NPAT: variants seen among roughly 807,000 people sequenced by gnomAD.
NPAT encodes the protein protein NPAT.
In NPAT, 52 loss-of-function variants were observed where a neutral mutation model predicts 130.7. The observed-to-expected ratio is 0.40, with a 90% CI of 0.32 to 0.50. The LOEUF (loss-of-function observed/expected upper bound fraction) is 0.50, where lower values mean the gene tolerates loss of function less well. Among genes scored for constraint, NPAT ranks in the 20% least tolerant of loss-of-function variants. The pLI, the probability that NPAT is intolerant of heterozygous loss-of-function variation, is 0.68. For missense variants in NPAT, 1,687 were observed against 1,662.6 expected (o/e 1.01, Z -0.26); for synonymous variants, 580 against 584.8 (o/e 0.99, Z 0.12).
In NPAT at chr11:108,161,659, C is replaced by T. The variant is rs2077851485; in HGVS notation, c.3427G>A (p.Glu1143Lys). The T allele has an allele frequency of 5.0e-6, 8 of 1,613,986 alleles. No individual in the cohort carries two copies. Among genetic ancestry groups the T allele is most frequent in the Non-Finnish European group, 5.1e-6 (6 of 1,180,020 alleles). ...GAAACTTTCTTTTCTGATTGAGTTT[C>T]TCTTATGGTGGTATGCCGGCTAATG... ...SAISRHTTIR[E>K]TQSEKKVSPT... The change falls in exon 17 of 18, where the codon GAA becomes AAA. Residue 1143 changes from glutamate to lysine, a missense_variant. Coordinates refer to ENST00000278612, the MANE Select transcript of NPAT (RefSeq NM_002519.3).
rs1390470946 is a variant in NPAT at position 108,162,153 on chromosome 11, G to A, written c.3038C>T (p.Ser1013Leu). 18 of 1,613,672 alleles carry A rather than the reference G, an allele frequency of 1.1e-5. No individual in the cohort carries two copies. Among genetic ancestry groups the A allele is most frequent in the East Asian group, 2.2e-5 (1 of 44,882 alleles). Residue 1013 changes from serine to leucine, a missense_variant, in exon 16 of 18, where the codon TCG (serine) becomes TTG (leucine). This residue lies in a region of NPAT where 1,379 missense variants were observed against 1,346.6 expected (regional missense o/e 1.02). Transcript: ENST00000278612. ...IGKQVNNLVDSSGHSVGCHAQ... is the reference protein window; with the variant it reads ...IGKQVNNLVDLSGHSVGCHAQ... ...ATGACATCCAACTGAATGACCTGAC[G>A]AATCCACCAAATTATTTACTTGTTT...
At position 108,161,157 on chromosome 11, in the gene NPAT, G is replaced by A; in HGVS notation, c.3929C>T (p.Thr1310Ile). 1 of 1,614,178 alleles carries A rather than the reference G, an allele frequency of 6.2e-7. No homozygotes were observed. Residue 1310 changes from threonine (T) to isoleucine (I), a missense_variant, in exon 17 of 18, where the codon ACC (threonine) becomes ATC (isoleucine). Physicochemically the swap from Thr to Ile is moderately conservative, Grantham distance 89. This residue lies in a region of NPAT where 1,379 missense variants were observed against 1,346.6 expected (regional missense o/e 1.02). Coordinates refer to ENST00000278612, the MANE Select transcript of NPAT (RefSeq NM_002519.3). Reference sequence around the variant, plus strand: ...AGGGCTGCAGGCAGGCAAGTCTGGGGTGACAGGAGGGACCATTACTTTTGA... The same window carrying A: ...AGGGCTGCAGGCAGGCAAGTCTGGGATGACAGGAGGGACCATTACTTTTGA... ...STSKVMVPPV[T>I]PDLPACSPAS...
chr11:108,215,657 C>T (rs1423779342), intron 1 of NPAT, among the ~76,000 whole-genome samples: 1 of 152,156 alleles, frequency 6.6e-6, no homozygotes, highest in Non-Finnish European at 1.5e-5. Context: ...AGTCATTATA[C>T]ACTAAGGTTT....
rs1045101210 is a variant in NPAT, at chr11:108,162,246, G to C, written c.3011-66C>G. The C allele has an allele frequency of 1.3e-5, 18 of 1,416,858 alleles. No individual in the cohort carries two copies. In the African/African-American group the frequency reaches 2.1e-4, roughly 17 times the overall value. 87.8% of individuals were successfully genotyped at this position (1,416,858 alleles called of 1,614,324 possible). On this transcript the variant is annotated intron_variant, in intron 15 of 17. Transcript: ENST00000278612. ...TCCTCTGAAAGAGGATAGAACAGATGACAATTATCACATATCATGAGAAAA... is the reference window on the plus strand; with the variant it reads ...TCCTCTGAAAGAGGATAGAACAGATCACAATTATCACATATCATGAGAAAA...
Position 108,169,787 on chromosome 11 carries a change from T to C in NPAT, c.2967A>G (p.Pro989=). The part of the protein sequence containing the change: ...NRSIPQFPVP[P]KSQKAQGLRN... ...TTAGTCCCTGAGCCTTCTGAGATTT[T>C]GGAGGGACGGGGAATTGAGGGATAC... Residue 989 remains proline (P), a synonymous_variant, in exon 15 of 18, where the codon CCA becomes CCG. Coordinates refer to ENST00000278612, the MANE Select transcript of NPAT (RefSeq NM_002519.3). The C allele has an allele frequency of 1.2e-6, 2 of 1,614,044 alleles. No homozygotes were observed. The highest frequency in any genetic ancestry group is 1.7e-6 in the Non-Finnish European group (2 of 1,179,896).
At chr11:108,194,249 T>A (rs543466741) in intron 2 of NPAT, among the ~76,000 whole-genome samples, 2 of 152,306 alleles carry the variant, frequency 1.3e-5, no homozygotes, top group East Asian at 3.9e-4. Context: ...TACTTGGGTA[T>A]CACTGCTTCC....
intron 3 of NPAT, among the ~76,000 whole-genome samples, chr11:108,193,582 G>A (rs188899314): frequency 6.5e-4 from 99 of 152,174 alleles, no homozygotes; most frequent in African/African-American, 2.3e-3. Context: ...AAAATTAGCC[G>A]GGCATGGTGG....
Position 108,197,412 on chromosome 11 carries a change from G to C in NPAT, c.46C>G (p.Gln16Glu). The change falls in exon 2 of 18, where the codon CAG (glutamine) becomes GAG (glutamate). Residue 16 changes from glutamine to glutamate, a missense_variant. Transcript: ENST00000278612. Reference sequence around the variant, plus strand: ...CAGGTAGAAATGAGGTTTTCTTGCTGTAAGTAACCTAAATAAAAAATAAAA... The same window carrying C: ...CAGGTAGAAATGAGGTTTTCTTGCTCTAAGTAACCTAAATAAAAAATAAAA... ...DVARLVLGYLQQENLISTCQT... is the reference protein window; with the variant it reads ...DVARLVLGYLEQENLISTCQT... 2 of 1,592,328 alleles carry C rather than the reference G, an allele frequency of 1.3e-6. No individual in the cohort carries two copies. Among genetic ancestry groups the C allele is most frequent in the Non-Finnish European group, 1.7e-6 (2 of 1,160,374 alleles).
At chr11:108,216,032 T>G (rs570492913) in intron 1 of NPAT, among the ~76,000 whole-genome samples, 1 of 152,234 alleles carries the variant, frequency 6.6e-6, no homozygotes, top group Non-Finnish European at 1.5e-5. Context: ...CCGACCGTTA[T>G]AATATTTGGA....
At chr11:108,167,556 T>C (rs1162299427) in intron 15 of NPAT, among the ~76,000 whole-genome samples, 2 of 152,156 alleles carry the variant, frequency 1.3e-5, no homozygotes, top group Non-Finnish European at 2.9e-5. Flanking sequence ...TGTATGGATG[T>C]ATGGGACCTT....
At chr11:108,218,789 A>G (rs1304067927) in intron 1 of NPAT, among the ~76,000 whole-genome samples, 3 of 152,232 alleles carry the variant, frequency 2.0e-5, no homozygotes, top group Non-Finnish European at 2.9e-5. Flanking sequence ...TATTTGGGGA[A>G]CATGTCCAGT....
At chr11:108,159,430 T>C (rs1488075208) in intron 17 of NPAT, among the ~76,000 whole-genome samples, 2 of 152,118 alleles carry the variant, frequency 1.3e-5, no homozygotes, top group Admixed American at 1.3e-4. Context: ...CTTCACAACC[T>C]AAGATACCTG....
intron 10 of NPAT, among the ~76,000 whole-genome samples, chr11:108,183,965 C>A (rs1414633751): frequency 1.3e-5 from 1 of 79,830 alleles, no homozygotes; most frequent in South Asian, 6.0e-4. Context: ...CAAAGTGAGA[C>A]CCTGTCTCAA....
Position 108,188,196 on chromosome 11 carries a change from CA to C in NPAT, c.557-18del. ...CTTCTCCAGCTGTATTTCAAGAAAA[CA>C]TAACAGTAAGCCAAAGAAACTGAAT... On this transcript the variant is annotated intron_variant, in intron 6 of 17. Transcript: ENST00000278612. The C allele has an allele frequency of 6.3e-7, 1 of 1,596,554 alleles. No individual in the cohort carries two copies.
chr11:108,166,670 CTTTT>C (rs2077905565), intron 15 of NPAT, among the ~76,000 whole-genome samples: 1 of 152,136 alleles, frequency 6.6e-6, no homozygotes, highest in Non-Finnish European at 1.5e-5. Context: ...TTCCATTTGT[CTTTT>C]TGTTTTAATT....
chr11:108,193,260 T>C (rs748000026), intron 3 of NPAT, among the ~76,000 whole-genome samples: 1 of 152,206 alleles, frequency 6.6e-6, no homozygotes, highest in African/African-American at 2.4e-5. Context: ...TTAGACTACA[T>C]AGAATTAAAA....
At chr11:108,212,757 C>G (rs1448871326) in intron 1 of NPAT, among the ~76,000 whole-genome samples, 5 of 151,328 alleles carry the variant, frequency 3.3e-5, no homozygotes, top group Non-Finnish European at 7.4e-5. Flanking sequence ...CCAGTCTGGC[C>G]AACATGGTGA....
intron 3 of NPAT, among the ~76,000 whole-genome samples, chr11:108,192,453 C>T (rs2078179025): frequency 6.6e-6 from 1 of 151,964 alleles, no homozygotes; most frequent in Non-Finnish European, 1.5e-5. Context: ...TAATTTTACA[C>T]CTTCATTTTA....
chr11:108,186,054 T>C (rs952392538), intron 8 of NPAT, among the ~76,000 whole-genome samples: 1 of 151,860 alleles, frequency 6.6e-6, no homozygotes, highest in Non-Finnish European at 1.5e-5. Context: ...TCTGACTCTG[T>C]CACCCAGGCT....
Sources: allele counts gnomAD v4.1 joint callset (sites outside exome capture counted in the v4.1 genomes callset), GRCh38; gene constraint gnomAD v4.1.1; regional missense constraint gnomAD v4.1.1; transcripts MANE v1.5; gene names NCBI Gene and HGNC (gene_info 2026-07-23, HGNC 2026-07-21).